Variants in ZMYM2 observed in about 807,000 individuals in gnomAD.
ZMYM2 encodes zinc finger MYM-type protein 2.
ZMYM2 carries 56 observed loss-of-function variants against 162.8 expected under a neutral mutation model. The ratio of observed to expected loss-of-function variants is 0.34; its 90% confidence interval spans 0.28 to 0.43. The LOEUF is 0.43. Ranked by LOEUF, ZMYM2 falls within the 20% of genes least tolerant of loss-of-function variation. The pLI is 1.00. For synonymous variants in ZMYM2, 510 were observed against 541.6 expected, an observed-to-expected ratio of 0.94 and a Z score of 0.81; for missense variants, 1,275 against 1,621.8, an observed-to-expected ratio of 0.79 and a Z score of 3.67.
rs1038501185 is a variant in ZMYM2, at chr13:20,077,242, T to C, written c.3454-4774T>C. ...GAGATAAGCATGTTGACAACTTACA[T>C]TTACTGACTGTTTACTGCTTTCCAC... On this transcript the variant is annotated intron_variant, in intron 21 of 24. Transcript: ENST00000610343. 1.9e-4 allele frequency among the ~76,000 whole-genome samples: 28 copies of C among 150,600 alleles called. 6 individuals carry two copies. Among genetic ancestry groups the C allele is most frequent in the African/African-American group, 5.8e-4 (23 of 39,894 alleles).
At chr13:19,910,751 C>T in the ZMYM2 span, among the ~76,000 whole-genome samples, 10 of 152,214 alleles carry the variant, frequency 6.6e-5, no homozygotes, top group South Asian at 4.2e-4. Flanking sequence ...AAATTACTGC[C>T]ACTAAATTGG....
the ZMYM2 span, among the ~76,000 whole-genome samples, chr13:19,952,250 T>C: frequency 2.0e-5 from 3 of 151,936 alleles, no homozygotes; most frequent in African/African-American, 7.3e-5. Flanking sequence ...GAGAGTTTGG[T>C]GGAATTTAGA....
At chr13:19,929,139 A>G in the ZMYM2 span, among the ~76,000 whole-genome samples, 1 of 152,214 alleles carries the variant, frequency 6.6e-6, no homozygotes, top group Non-Finnish European at 1.5e-5. Flanking sequence ...TTCTAGGTAG[A>G]TAATCATATA....
intron 14 of ZMYM2, among the ~76,000 whole-genome samples, chr13:20,053,914 A>T (rs1955578171): frequency 6.6e-6 from 1 of 152,218 alleles, no homozygotes; most frequent in Non-Finnish European, 1.5e-5. Flanking sequence ...AGACACTTTT[A>T]TCCATGCTGA....
At chr13:19,884,695 C>T in the ZMYM2 span, among the ~76,000 whole-genome samples, 3 of 152,108 alleles carry the variant, frequency 2.0e-5, no homozygotes, top group Admixed American at 2.0e-4. Context: ...GGACTTCGTT[C>T]CTTGCGGCGG....
the ZMYM2 span, among the ~76,000 whole-genome samples, chr13:19,890,140 C>T: frequency 2.0e-5 from 3 of 151,742 alleles, no homozygotes; most frequent in African/African-American, 7.3e-5. Flanking sequence ...TATCGAGAAA[C>T]GTATATCCAA....
chr13:19,995,785 T>C (rs967904296), intron 3 of ZMYM2, among the ~76,000 whole-genome samples: 8 of 152,186 alleles, frequency 5.3e-5, no homozygotes, highest in African/African-American at 1.9e-4. Flanking sequence ...TGATAAGAAC[T>C]CTGTGCCAGC....
chr13:19,863,953 C>T, the ZMYM2 span: 2 of 152,248 alleles, frequency 1.3e-5, no homozygotes, highest in Non-Finnish European at 2.9e-5. Context: ...CGCCGCCCGT[C>T]GTAGCGGCCC....
intron 3 of ZMYM2, among the ~76,000 whole-genome samples, chr13:19,995,216 CTTTT>C (rs941579206): frequency 1.4e-4 from 22 of 152,010 alleles, no homozygotes; most frequent in Non-Finnish European, 2.6e-4. Flanking sequence ...ACATATCATC[CTTTT>C]TTTCTTTTCT....
chr13:19,959,020 C>T (rs1450487405), intron 1 of ZMYM2, among the ~76,000 whole-genome samples, 179 bp downstream of exon 1: 1 of 151,832 alleles, frequency 6.6e-6, no homozygotes, highest in African/African-American at 2.4e-5. Flanking sequence ...GCGCGGCCGC[C>T]GTCGCCGCTG....
intron 6 of ZMYM2, among the ~76,000 whole-genome samples, chr13:20,008,616 A>T (rs995441812): frequency 1.3e-5 from 2 of 152,246 alleles, no homozygotes; most frequent in African/African-American, 4.8e-5. Flanking sequence ...CCATCCTTGT[A>T]TTCCTAGAAT....
chr13:19,958,992 C>A (rs1482369229), intron 1 of ZMYM2, among the ~76,000 whole-genome samples, 151 bp downstream of exon 1: 33 of 151,916 alleles, frequency 2.2e-4, no homozygotes, highest in Non-Finnish European at 3.8e-4. Context: ...CCCACCGACC[C>A]GGGATTAATA....
At chr13:20,044,417 G>C (rs1954568812) in intron 12 of ZMYM2, among the ~76,000 whole-genome samples, 1 of 152,134 alleles carries the variant, frequency 6.6e-6, no homozygotes, top group African/African-American at 2.4e-5. Flanking sequence ...AGCGTTCCCA[G>C]ATTCCTTCTC....
chr13:19,915,124 G>T, the ZMYM2 span, among the ~76,000 whole-genome samples: 1 of 152,084 alleles, frequency 6.6e-6, no homozygotes, highest in Admixed American at 6.6e-5. Flanking sequence ...ACCATACCTG[G>T]CTAATTTTGT....
intron 14 of ZMYM2, among the ~76,000 whole-genome samples, chr13:20,055,020 C>T (rs2140652885): frequency 6.6e-6 from 1 of 150,580 alleles, no homozygotes; most frequent in African/African-American, 2.4e-5. Flanking sequence ...TTTCCCCCAA[C>T]CAAACTTGGA....
chr13:19,990,727 A>T (rs1949535887), intron 2 of ZMYM2, among the ~76,000 whole-genome samples: 1 of 152,206 alleles, frequency 6.6e-6, no homozygotes, highest in South Asian at 2.1e-4. Context: ...GGCTCTTTAA[A>T]TGAAGTGTTT....
the ZMYM2 span, among the ~76,000 whole-genome samples, chr13:19,886,570 G>C: frequency 6.6e-6 from 1 of 151,886 alleles, no homozygotes; most frequent in Non-Finnish European, 1.5e-5. Context: ...CATGAAGCCA[G>C]CCTTGTTTTT....
chr13:19,976,853 T>G (rs1956842680), intron 2 of ZMYM2, among the ~76,000 whole-genome samples: 1 of 152,234 alleles, frequency 6.6e-6, no homozygotes, highest in Admixed American at 6.5e-5. Flanking sequence ...GTTCTATCCA[T>G]TTTTGGAAGG....
At chr13:20,037,213 ATT>A (rs754909177) in intron 12 of ZMYM2, among the ~76,000 whole-genome samples, 140 of 90,372 alleles carry the variant, frequency 1.5e-3, no homozygotes, top group African/African-American at 6.4e-3. Flanking sequence ...ACTAAGTAGA[ATT>A]TTTTTTTTTT....
Sources: gnomAD v4.1 joint callset for allele counts (sites outside exome capture counted in the v4.1 genomes callset) on GRCh38, gnomAD v4.1.1 for gene constraint, MANE v1.5 for transcripts, NCBI Gene and HGNC (gene_info 2026-07-23, HGNC 2026-07-21) for gene names.